The following KCNQ1 variants were observed in gnomAD, a reference collection of about 807,000 sequenced individuals.
The protein encoded by KCNQ1 is potassium voltage-gated channel subfamily Q member 1, also known as potassium voltage-gated channel subfamily KQT member 1.
Under a neutral mutation model 72.4 loss-of-function variants are expected in KCNQ1, and 49 were observed. The observed-to-expected ratio is 0.68, with a 90% confidence interval of 0.54 to 0.86. KCNQ1 has a LOEUF of 0.86. Among genes scored for constraint, KCNQ1 ranks in the 40% least tolerant of loss-of-function variants. The pLI, the probability that KCNQ1 is intolerant of heterozygous loss-of-function variation, is 0.00. For synonymous variants in KCNQ1, 450 were observed against 412.6 expected (o/e 1.09, Z -1.10); for missense variants, 790 against 945.1 (o/e 0.84, Z 2.15).
Position 2,652,657 on chromosome 11 carries a change from C to A in KCNQ1, c.1394-9304C>A. 2.5e-6 allele frequency: 1 copy of A among 398,754 alleles called. No homozygotes were observed. The highest frequency in any genetic ancestry group is 4.4e-6 in the Non-Finnish European group (1 of 226,192). The allele number at this position is 398,754 out of a possible 1,614,324, so 24.7% of individuals were successfully genotyped here. ...ACAGTGACTTCCTGCAGCATGGAGA[C>A]CCGGGTGGGTCGATTTTAGTTGTGT... On this transcript the variant is annotated intron_variant, in intron 10 of 15. Transcript: ENST00000155840. The surrounding 1 kb of genome is among the most constrained non-coding windows in gnomAD (Gnocchi z 5.9).
chr11:2,539,562 C>T (rs909814581), intron 2 of KCNQ1, among the ~76,000 whole-genome samples: 1 of 152,150 alleles, frequency 6.6e-6, no homozygotes, highest in Non-Finnish European at 1.5e-5. Flanking sequence ...CCGAAGGGAA[C>T]ACCGCCATGG....
chr11:2,727,320 G>A (rs1564873083), intron 11 of KCNQ1, among the ~76,000 whole-genome samples: 1 of 152,178 alleles, frequency 6.6e-6, no homozygotes, highest in South Asian at 2.1e-4. Flanking sequence ...CCTCTCTGAG[G>A]TTCTGTTTCT....
In KCNQ1 at chr11:2,671,958, G is replaced by A; in HGVS notation, c.1514+9877G>A. On this transcript the variant is annotated intron_variant, in intron 11 of 15. Coordinates refer to ENST00000155840, the MANE Select transcript of KCNQ1 (RefSeq NM_000218.3). This position sits in a 1 kb window ranked among gnomAD's most constrained non-coding sequence, Gnocchi z 4.7. ...AGTCTCTGTATCTGGGGTAGAAAGA[G>A]TGGGCTAAAAAGTCAGCTAGCACCC... 2.5e-6 allele frequency: 1 copy of A among 398,636 alleles called. No homozygotes were observed. The highest frequency in any genetic ancestry group is 4.4e-6 in the Non-Finnish European group (1 of 226,092). 24.7% of individuals were successfully genotyped at this position (398,636 alleles called of 1,614,324 possible).
chr11:2,667,608 C>A (rs1209226085), intron 11 of KCNQ1: 7 of 398,456 alleles, frequency 1.8e-5, no homozygotes, highest in Non-Finnish European at 2.2e-5. Context: ...GGGGGCACAT[C>A]CCATATAGAT....
rs1019884386 is a variant in KCNQ1 at position 2,769,087 on chromosome 11, G to A, written c.1590+168G>A. 1.3e-5 allele frequency among the ~76,000 whole-genome samples: 2 copies of A among 151,972 alleles called. No individual in the cohort carries two copies. The highest frequency in any genetic ancestry group is 2.1e-4 in the South Asian group (1 of 4,808). On this transcript the variant is annotated intron_variant, in intron 12 of 15. Coordinates refer to ENST00000155840, the MANE Select transcript of KCNQ1 (RefSeq NM_000218.3). This position sits in a 1 kb window ranked among gnomAD's most constrained non-coding sequence, Gnocchi z 4.6. ...GAGACCTGACAGTGCCTACCCCACC[G>A]AACCCCAGACAGCAGGCCCCTCAGA...
At position 2,813,473 on chromosome 11, in the gene KCNQ1, C is replaced by G. The variant is rs1417468246; in HGVS notation, c.1795-34294C>G. Among the ~76,000 whole-genome samples, 1 of 152,134 alleles carries G rather than the reference C, an allele frequency of 6.6e-6. No homozygotes were observed. Among genetic ancestry groups the G allele is most frequent in the Non-Finnish European group, 1.5e-5 (1 of 68,036 alleles). On this transcript the variant is annotated intron_variant, in intron 15 of 15. Coordinates refer to ENST00000155840, the MANE Select transcript of KCNQ1 (RefSeq NM_000218.3). This position sits in a 1 kb window ranked among gnomAD's most constrained non-coding sequence, Gnocchi z 4.4. ...CCCGCCATCTTTTCATGACTCTCCC[C>G]CTTCCTCAACCCTGCGCCTGGTCAC...
At chr11:2,747,736 G>A (rs552318087) in intron 11 of KCNQ1, among the ~76,000 whole-genome samples, 12 of 152,290 alleles carry the variant, frequency 7.9e-5, no homozygotes, top group South Asian at 2.1e-4. Flanking sequence ...AGAGAATGCC[G>A]GGAAAGGGAG....
chr11:2,717,159 G>A (rs972631724), intron 11 of KCNQ1, among the ~76,000 whole-genome samples: 3 of 152,180 alleles, frequency 2.0e-5, no homozygotes, highest in Non-Finnish European at 4.4e-5. Context: ...GGCAGGGCAG[G>A]CAATTCCACT....
In KCNQ1 at chr11:2,746,427, C is replaced by G. The variant is rs547934553; in HGVS notation, c.1515-22417C>G. The stretch of plus-strand genomic sequence containing the variant: ...GTTTCCCTACTGTCTTTTTTCTCTC[C>G]CCGGGCCCCACCCAGGGTCCCATGT... On this transcript the variant is annotated intron_variant, in intron 11 of 15. Transcript: ENST00000155840. The surrounding 1 kb of genome is among the most constrained non-coding windows in gnomAD (Gnocchi z 5.9). Among the ~76,000 whole-genome samples, 1 of 152,172 alleles carries G rather than the reference C, an allele frequency of 6.6e-6. No homozygotes were observed. Among genetic ancestry groups the G allele is most frequent in the African/African-American group, 2.4e-5 (1 of 41,536 alleles).
intron 10 of KCNQ1, chr11:2,632,162 G>A (rs148416068): frequency 1.7e-4 from 60 of 359,670 alleles, no homozygotes; most frequent in East Asian, 2.3e-4. Flanking sequence ...TAGCCTGGGC[G>A]ACAGACCAAG....
chr11:2,820,336 A>G (rs1302314566), intron 15 of KCNQ1, among the ~76,000 whole-genome samples: 1 of 152,222 alleles, frequency 6.6e-6, no homozygotes, highest in Non-Finnish European at 1.5e-5. Flanking sequence ...TTAGAAGGGT[A>G]CTTTTTAAAC....
intron 6 of KCNQ1, among the ~76,000 whole-genome samples, chr11:2,576,804 A>T (rs1429786065): frequency 1.3e-5 from 2 of 152,214 alleles, no homozygotes; most frequent in Non-Finnish European, 2.9e-5. Context: ...GGGTGGTGTC[A>T]GGAAGAGCTG....
rs1303988205 is a variant in KCNQ1, at chr11:2,723,669, G to A, written c.1515-45175G>A. Among the ~76,000 whole-genome samples the A allele has an allele frequency of 6.6e-6, 1 of 152,216 alleles. No homozygotes were observed. Among genetic ancestry groups the A allele is most frequent in the Non-Finnish European group, 1.5e-5 (1 of 68,036 alleles). ...ACACCTAGCGGTTGGCTGGGCAGGT[G>A]GACTGGTCCGAGCTGAGTGGTCTAG... On this transcript the variant is annotated intron_variant, in intron 11 of 15. Transcript: ENST00000155840. This position sits in a 1 kb window ranked among gnomAD's most constrained non-coding sequence, Gnocchi z 4.2.
In KCNQ1 at chr11:2,664,798, C is replaced by G. The variant is rs1399668298; in HGVS notation, c.1514+2717C>G. On this transcript the variant is annotated intron_variant, in intron 11 of 15. Coordinates refer to ENST00000155840, the MANE Select transcript of KCNQ1 (RefSeq NM_000218.3). This position sits in a 1 kb window ranked among gnomAD's most constrained non-coding sequence, Gnocchi z 5.1. ...TGGGTGGGAGGCAGTTACCAAAAAA[C>G]ATTTCCATTTTTCTTCAGCATTCTA... 2.5e-6 allele frequency: 1 copy of G among 398,600 alleles called. No homozygotes were observed. The highest frequency in any genetic ancestry group is 2.1e-5 in the African/African-American group (1 of 48,630). 24.7% of individuals were successfully genotyped at this position (398,600 alleles called of 1,614,324 possible).
intron 1 of KCNQ1, among the ~76,000 whole-genome samples, chr11:2,524,492 C>T (rs1847460270): frequency 6.6e-6 from 1 of 152,164 alleles, no homozygotes; most frequent in African/African-American, 2.4e-5. Flanking sequence ...GTCTGTGTTA[C>T]TGTCTGCAAA....
chr11:2,630,231 C>T (rs1016921383), intron 10 of KCNQ1: 6 of 398,050 alleles, frequency 1.5e-5, no homozygotes, highest in African/African-American at 1.0e-4. Context: ...TATATGTACA[C>T]TTAACTGTCC....
At chr11:2,685,210 C>T (rs974099770) in intron 11 of KCNQ1, 1 of 398,694 alleles carries the variant, frequency 2.5e-6, no homozygotes, top group Non-Finnish European at 4.4e-6. Flanking sequence ...GCTGGCACAG[C>T]TCACACACGG....
intron 11 of KCNQ1, among the ~76,000 whole-genome samples, chr11:2,726,174 A>G (rs1845759000): frequency 6.6e-6 from 1 of 152,348 alleles, no homozygotes; most frequent in African/African-American, 2.4e-5. Context: ...CCAGCTGGCC[A>G]GGGCAGAGGA....
chr11:2,652,884 G>T lies in KCNQ1; in HGVS notation c.1394-9077G>T. ...CTTATTCTAAGGAGAAGTGTTTGGG[G>T]TGTGGGGTGTGGTCCTCAGTATCCT... On this transcript the variant is annotated intron_variant, in intron 10 of 15. Transcript: ENST00000155840. This position sits in a 1 kb window ranked among gnomAD's most constrained non-coding sequence, Gnocchi z 5.9. 1 of 398,702 alleles carries T rather than the reference G, an allele frequency of 2.5e-6. No individual in the cohort carries two copies. The highest frequency in any genetic ancestry group is 4.4e-6 in the Non-Finnish European group (1 of 226,124). The allele number at this position is 398,702 out of a possible 1,614,324, so 24.7% of individuals were successfully genotyped here. A position where few individuals can be genotyped will look rare whatever the true frequency, so the allele number is the denominator to read the frequency against.
Sources: gnomAD v4.1 joint callset for allele counts (sites outside exome capture counted in the v4.1 genomes callset) on GRCh38, gnomAD v4.1.1 for gene constraint, Gnocchi (gnomAD v3.1) non-coding constraint, MANE v1.5 for transcripts, NCBI Gene and HGNC (gene_info 2026-07-23, HGNC 2026-07-21) for gene names.